Variants in ZNF609 observed in about 807,000 individuals in gnomAD.
The protein encoded by ZNF609 is zinc finger protein 609.
Under a neutral mutation model 109.5 loss-of-function variants are expected in ZNF609, and 11 were observed. The observed-to-expected ratio is 0.10, with a 90% CI of 0.06 to 0.17. The LOEUF is 0.17. Among genes scored for constraint, ZNF609 ranks in the 10% least tolerant of loss-of-function variants. ZNF609 has a pLI of 1.00. For missense variants in ZNF609, 1,559 were observed against 1,772.4 expected (o/e 0.88, Z 2.16); for synonymous variants, 646 against 662.0 (o/e 0.98, Z 0.37).
chr15:64,579,569 G>T (rs1595726397), intron 2 of ZNF609, among the ~76,000 whole-genome samples: 1 of 152,020 alleles, frequency 6.6e-6, no homozygotes, highest in South Asian at 2.1e-4. Context: ...AAAAAATTAG[G>T]TGTGGTGGTA....
chr15:64,599,168 G>GGT (rs1895451869), intron 2 of ZNF609, among the ~76,000 whole-genome samples: 11 of 46,490 alleles, frequency 2.4e-4, no homozygotes, highest in African/African-American at 8.5e-4. Context: ...TTTTGTGGTG[G>GGT]TTTTTTTTTT....
chr15:64,639,749 A>G (rs1734975721), intron 3 of ZNF609, among the ~76,000 whole-genome samples: 2 of 152,166 alleles, frequency 1.3e-5, no homozygotes, highest in South Asian at 2.1e-4. Context: ...AGTTCAATTC[A>G]TAAAAGGGGC....
intron 4 of ZNF609, among the ~76,000 whole-genome samples, chr15:64,670,924 G>T (rs1387645031): frequency 2.0e-5 from 3 of 149,558 alleles, no homozygotes; most frequent in African/African-American, 7.4e-5. Context: ...TAAAGTGTTC[G>T]GGGGGCCGGG....
At position 64,674,276 on chromosome 15, in the gene ZNF609, C is replaced by T; in HGVS notation, c.1422C>T (p.Pro474=). 6.2e-7 allele frequency: 1 copy of T among 1,614,156 alleles called. No individual in the cohort carries two copies. Among genetic ancestry groups the T allele is most frequent in the East Asian group, 2.2e-5 (1 of 44,886 alleles). Residue 474 remains proline, a synonymous_variant, in exon 5 of 10, where the codon CCC becomes CCT. Transcript: ENST00000326648. ...ATTCCATGGGCTCAGCCACTGGCCC[C>T]CTTCCTGGGACAAAGGTAGAACCCA... ...RTNSMGSATG[P]LPGTKVEPTV...
At chr15:64,661,803 C>T (rs1896581243) in intron 3 of ZNF609, among the ~76,000 whole-genome samples, 1 of 152,210 alleles carries the variant, frequency 6.6e-6, no homozygotes, top group African/African-American at 2.4e-5. Context: ...AACTTCAATA[C>T]TTCACAGAAT....
chr15:64,532,020 C>CT (rs1161687113), intron 2 of ZNF609, among the ~76,000 whole-genome samples: 1 of 152,188 alleles, frequency 6.6e-6, no homozygotes, highest in Non-Finnish European at 1.5e-5. Flanking sequence ...TGCCATACCT[C>CT]TATGGCCTTA....
chr15:64,537,975 G>A (rs1011771828), intron 2 of ZNF609, among the ~76,000 whole-genome samples: 3 of 151,668 alleles, frequency 2.0e-5, no homozygotes, highest in Admixed American at 1.3e-4. Flanking sequence ...GCATGGTGGC[G>A]CATGCCTGTA....
intron 1 of ZNF609, among the ~76,000 whole-genome samples, chr15:64,476,382 T>A (rs560466460): frequency 2.0e-5 from 3 of 151,584 alleles, no homozygotes; most frequent in Non-Finnish European, 4.4e-5. Flanking sequence ...TAATATATGA[T>A]ATGGGGAAAA....
chr15:64,470,044 C>T (rs1273825205), intron 1 of ZNF609, among the ~76,000 whole-genome samples: 3 of 152,142 alleles, frequency 2.0e-5, no homozygotes, highest in Non-Finnish European at 4.4e-5. Flanking sequence ...GAATTAACTT[C>T]TTGGGACTGA....
Position 64,573,346 on chromosome 15 carries a change from C to CTTTTTTTTTTTTT in ZNF609, c.748-49467_748-49455dup, listed in dbSNP as rs71133442. Reference sequence around the variant, plus strand: ...GCAGTAGAGTTAGTGGCCCAACTTTCTTTTTTTTTTTTTTTTTTTTTTTTT... The same window carrying CTTTTTTTTTTTTT: ...GCAGTAGAGTTAGTGGCCCAACTTTCTTTTTTTTTTTTTTTTTTTTTTTTTTTTTTTTTTTTTT... On this transcript the variant is annotated intron_variant, in intron 2 of 9. Transcript: ENST00000326648. 8.2e-5 allele frequency among the ~76,000 whole-genome samples: 6 copies of CTTTTTTTTTTTTT among 72,950 alleles called. 2 individuals are homozygous for CTTTTTTTTTTTTT. Among genetic ancestry groups the CTTTTTTTTTTTTT allele is most frequent in the Non-Finnish European group, 1.5e-4 (6 of 41,038 alleles). 47.9% of individuals were successfully genotyped at this position (72,950 alleles called of 152,430 possible).
intron 4 of ZNF609, 86 bp from the exon 5 acceptor site, chr15:64,673,830 T>C (rs1353759675): frequency 1.4e-6 from 2 of 1,404,274 alleles, no homozygotes; most frequent in African/African-American, 2.9e-5. Context: ...AGTCACCATC[T>C]GGACAGTTCT....
chr15:64,460,478 C>T (rs1467137422), upstream of ZNF609, among the ~76,000 whole-genome samples: 1 of 152,190 alleles, frequency 6.6e-6, no homozygotes, highest in African/African-American at 2.4e-5. Flanking sequence ...CATCCAGGTT[C>T]CGGGTTTCCC....
chr15:64,678,050 C>T lies in ZNF609; in HGVS notation c.3403-66C>T, dbSNP rs181835052. 1,030 of 1,549,972 alleles carry T rather than the reference C, an allele frequency of 6.6e-4. 6 individuals carry two copies. The African/African-American group carries it at 0.012, about 17-fold the overall frequency. ...ATCTGCTCTGGTGGTTCTACTGGGA[C>T]CTTGGGCTTGAAGTATATCTGTCTT... On this transcript the variant is annotated intron_variant, in intron 5 of 9. Coordinates refer to ENST00000326648, the MANE Select transcript of ZNF609 (RefSeq NM_015042.2).
chr15:64,536,898 A>G (rs557647480), intron 2 of ZNF609, among the ~76,000 whole-genome samples: 1 of 125,296 alleles, frequency 8.0e-6, no homozygotes, highest in East Asian at 2.8e-4. Context: ...CGACAGAGAG[A>G]GACCCTGTCT....
intron 1 of ZNF609, among the ~76,000 whole-genome samples, chr15:64,475,725 A>G (rs1422517110): frequency 6.6e-6 from 1 of 152,062 alleles, no homozygotes; most frequent in Non-Finnish European, 1.5e-5. Context: ...ATTTGTGAAT[A>G]TATTTTCTTC....
At chr15:64,464,748 C>T (rs1017794569) in intron 1 of ZNF609, among the ~76,000 whole-genome samples, 3 of 152,130 alleles carry the variant, frequency 2.0e-5, no homozygotes, top group Non-Finnish European at 2.9e-5. Context: ...CAGTGAAGGA[C>T]TCTTTTCGCT....
At chr15:64,489,182 TTTG>T (rs1291851771) in intron 1 of ZNF609, among the ~76,000 whole-genome samples, 2 of 151,830 alleles carry the variant, frequency 1.3e-5, no homozygotes, top group Non-Finnish European at 2.9e-5. Flanking sequence ...TGTTTTTTTT[TTTG>T]TTTTTTTGTT....
rs577047353 is a variant in ZNF609, at chr15:64,637,079, C to T, written c.973+14027C>T. On this transcript the variant is annotated intron_variant, in intron 3 of 9. Transcript: ENST00000326648. The stretch of plus-strand genomic sequence containing the variant: ...TTCTAATAGCTAGCCCTTCTCCCCA[C>T]CCCAGGTAACCAATCTCATTGTTAA... Among the ~76,000 whole-genome samples the T allele has an allele frequency of 2.0e-5, 3 of 152,256 alleles. No individual in the cohort carries two copies. In the South Asian group the frequency reaches 6.2e-4, roughly 32 times the overall value.
At chr15:64,658,203 A>AT (rs376997288) in intron 3 of ZNF609, among the ~76,000 whole-genome samples, 412 of 146,226 alleles carry the variant, frequency 2.8e-3, no homozygotes, top group African/African-American at 4.5e-3. Context: ...AAAAATTACT[A>AT]TTTTTTTTTT....
Sources: gnomAD v4.1 joint callset for allele counts (sites outside exome capture counted in the v4.1 genomes callset) on GRCh38, gnomAD v4.1.1 for gene constraint, MANE v1.5 for transcripts, NCBI Gene and HGNC (gene_info 2026-07-23, HGNC 2026-07-21) for gene names.